The following LGR4 variants were observed in gnomAD, a reference collection of about 807,000 sequenced individuals.
LGR4 encodes the protein leucine-rich repeat-containing G protein-coupled receptor 4.
A neutral mutation model predicts 84.8 loss-of-function variants in LGR4; 44 were observed. That is an observed-to-expected ratio of 0.52 (90% CI 0.41 to 0.67). The LOEUF (loss-of-function observed/expected upper bound fraction) is 0.67, where lower values mean the gene tolerates loss of function less well. LGR4 is among the 30% of genes least tolerant of loss of function. The probability of loss-of-function intolerance (pLI) is 0.00; values close to 1 mark genes in which losing one functional copy is unlikely to be tolerated. For synonymous variants in LGR4, 429 were observed against 434.3 expected, an observed-to-expected ratio of 0.99 and a Z score of 0.15; for missense variants, 1,032 against 1,131.4, an observed-to-expected ratio of 0.91 and a Z score of 1.26.
At chr11:27,400,853 T>C (rs1372876584) in intron 2 of LGR4, among the ~76,000 whole-genome samples, 2 of 152,148 alleles carry the variant, frequency 1.3e-5, no homozygotes, top group African/African-American at 4.8e-5. Context: ...ATGGTTACTT[T>C]CTTAGTGAAT....
intron 1 of LGR4, among the ~76,000 whole-genome samples, chr11:27,464,205 G>C (rs181195263): frequency 1.2e-3 from 183 of 152,324 alleles, no homozygotes; most frequent in African/African-American, 3.1e-3. Context: ...TTGCACACAG[G>C]AGAAGGCTGG....
At chr11:27,458,428 T>C (rs1221288280) in intron 1 of LGR4, among the ~76,000 whole-genome samples, 1 of 152,182 alleles carries the variant, frequency 6.6e-6, no homozygotes, top group Non-Finnish European at 1.5e-5. Flanking sequence ...CATGACTGTA[T>C]ACATTGTGAA....
At chr11:27,449,816 G>C (rs143315757) in intron 1 of LGR4, among the ~76,000 whole-genome samples, 1 of 152,190 alleles carries the variant, frequency 6.6e-6, no homozygotes, top group Non-Finnish European at 1.5e-5. Flanking sequence ...AAATATAACA[G>C]GATGACCTTC....
chr11:27,451,171 A>C (rs1234083952), intron 1 of LGR4, among the ~76,000 whole-genome samples: 1 of 152,216 alleles, frequency 6.6e-6, no homozygotes, highest in Non-Finnish European at 1.5e-5. Flanking sequence ...TTTTCACTTA[A>C]AATAAGGAAA....
intron 1 of LGR4, among the ~76,000 whole-genome samples, chr11:27,458,452 A>T (rs957169594): frequency 2.0e-5 from 3 of 152,200 alleles, no homozygotes; most frequent in Non-Finnish European, 4.4e-5. Context: ...CATAGAACTG[A>T]ACATTAAAAA....
intron 3 of LGR4, among the ~76,000 whole-genome samples, chr11:27,391,991 T>G (rs766182170): frequency 1.3e-5 from 2 of 152,190 alleles, no homozygotes; most frequent in Non-Finnish European, 2.9e-5. Flanking sequence ...TGCCAAGAAT[T>G]TATTTCCTCA....
At chr11:27,466,562 C>G (rs1864781360) in intron 1 of LGR4, among the ~76,000 whole-genome samples, 1 of 152,214 alleles carries the variant, frequency 6.6e-6, no homozygotes, top group Non-Finnish European at 1.5e-5. Context: ...TATGCCTAAA[C>G]TTGCCTGGAT....
Position 27,375,194 on chromosome 11 carries a change from T to G in LGR4, c.1181+1105A>C, listed in dbSNP as rs551721935. Among the ~76,000 whole-genome samples the G allele has an allele frequency of 8.2e-5, 12 of 146,634 alleles. No homozygotes were observed. The East Asian group carries it at 2.4e-3, about 29-fold the overall frequency. Reference sequence around the variant, plus strand: ...TGTAGTCCCTCAGCTATTCAGGAGGTTGAGGCAGGAGGATTGTTTGAGCTC... The same window carrying G: ...TGTAGTCCCTCAGCTATTCAGGAGGGTGAGGCAGGAGGATTGTTTGAGCTC... On this transcript the variant is annotated intron_variant, in intron 13 of 17. Transcript: ENST00000379214.
At chr11:27,471,566 G>A (rs1329538309) in intron 1 of LGR4, among the ~76,000 whole-genome samples, 1 of 152,234 alleles carries the variant, frequency 6.6e-6, no homozygotes, top group Non-Finnish European at 1.5e-5. Context: ...ACCTGGATGG[G>A]GCCAAATTGG....
Position 27,427,386 on chromosome 11 carries a change from A to G in LGR4, c.186-14526T>C, listed in dbSNP as rs1420891856. ...ACGAAAGAACAGCTGGCATGAAGGT[A>G]GAGTCTAGAGGACAGAGCCATTCAG... On this transcript the variant is annotated intron_variant, in intron 1 of 17. Coordinates refer to ENST00000379214, the MANE Select transcript of LGR4 (RefSeq NM_018490.5). 2.0e-5 allele frequency among the ~76,000 whole-genome samples: 3 copies of G among 152,182 alleles called. No homozygotes were observed. The East Asian group carries it at 5.8e-4, about 29-fold the overall frequency.
At chr11:27,384,624 C>T (rs919477122) in intron 5 of LGR4, among the ~76,000 whole-genome samples, 1 of 152,088 alleles carries the variant, frequency 6.6e-6, no homozygotes, top group African/African-American at 2.4e-5. Context: ...ACATAGACTA[C>T]CTCATGGAAA....
At chr11:27,445,729 T>C (rs979452288) in intron 1 of LGR4, among the ~76,000 whole-genome samples, 1 of 151,988 alleles carries the variant, frequency 6.6e-6, no homozygotes, top group African/African-American at 2.4e-5. Context: ...AATTTAAAAA[T>C]TTTTCAAGCC....
At chr11:27,459,666 G>A (rs1257890077) in intron 1 of LGR4, among the ~76,000 whole-genome samples, 4 of 151,786 alleles carry the variant, frequency 2.6e-5, no homozygotes, top group African/African-American at 7.3e-5. Flanking sequence ...CAGTAGAGAC[G>A]GGGTTTCACC....
chr11:27,467,566 C>CA (rs761925670), intron 1 of LGR4, among the ~76,000 whole-genome samples: 1,783 of 51,798 alleles, frequency 0.034, 43 homozygotes, highest in African/African-American at 0.082. Flanking sequence ...GAGTCCGTCT[C>CA]AAAAAAAAAA....
chr11:27,471,166 GATT>G (rs777591187), intron 1 of LGR4, among the ~76,000 whole-genome samples: 8 of 152,186 alleles, frequency 5.3e-5, no homozygotes, highest in Non-Finnish European at 7.3e-5. Context: ...ACCTAGTTCA[GATT>G]CCTCTTCTTT....
rs1345482123 is a variant in LGR4 at position 27,472,463 on chromosome 11, C to T, written c.-161G>A. The stretch of plus-strand genomic sequence containing the variant: ...CGGCCCCTTCAGCAGTCCGCCGCAG[C>T]GGCGCAGGGACGCGGCGCTCCGGAG... On this transcript the variant is annotated 5_prime_UTR_variant, in exon 1 of 18. Coordinates refer to ENST00000379214, the MANE Select transcript of LGR4 (RefSeq NM_018490.5). 3 of 434,490 alleles carry T rather than the reference C, an allele frequency of 6.9e-6. No homozygotes were observed. The highest frequency in any genetic ancestry group is 6.1e-5 in the African/African-American group (3 of 48,874). The allele number at this position is 434,490 out of a possible 1,614,324, so 26.9% of individuals were successfully genotyped here.
At chr11:27,454,761 C>CA (rs59633176) in intron 1 of LGR4, among the ~76,000 whole-genome samples, 3,377 of 108,650 alleles carry the variant, frequency 0.031, 113 homozygotes, top group African/African-American at 0.11. Flanking sequence ...GACTCTGTCT[C>CA]AAAAAAAAAA....
rs760626476 is a variant in LGR4, at chr11:27,367,894, A to G, written c.2829T>C (p.Ala943=). The G allele has an allele frequency of 8.1e-6, 13 of 1,597,042 alleles. No individual in the cohort carries two copies. The highest frequency in any genetic ancestry group is 1.0e-5 in the Non-Finnish European group (12 of 1,175,508). Residue 943 remains alanine, a synonymous_variant, in exon 18 of 18, where the codon GCT becomes GCC. Transcript: ENST00000379214. ...AGTCTTTAACTCTTGGTAGATTGTA[A>G]GCATAGCGCACCAAAGGGAATCCTC... The part of the protein sequence containing the change: ...QSRGFPLVRY[A]YNLPRVKD
At chr11:27,457,806 G>A (rs1253297625) in intron 1 of LGR4, among the ~76,000 whole-genome samples, 1 of 152,030 alleles carries the variant, frequency 6.6e-6, no homozygotes, top group African/African-American at 2.4e-5. Flanking sequence ...TATAGTATAC[G>A]TACACAATGG....
Sources: gnomAD v4.1 joint callset for allele counts (sites outside exome capture counted in the v4.1 genomes callset) on GRCh38, gnomAD v4.1.1 for gene constraint, MANE v1.5 for transcripts, NCBI Gene and HGNC (gene_info 2026-07-23, HGNC 2026-07-21) for gene names.